Variants in DAP observed in about 807,000 individuals in gnomAD.
DAP encodes the protein death associated protein, also known as death-associated protein 1.
A neutral mutation model predicts 13.8 loss-of-function variants in DAP; 8 were observed. That is an observed-to-expected ratio of 0.58 (90% CI 0.34 to 1.05). The LOEUF is 1.05. Among genes scored for constraint, DAP ranks in the 50% least tolerant of loss-of-function variants. The pLI, the probability that DAP is intolerant of heterozygous loss-of-function variation, is 0.03. For missense variants in DAP, 106 were observed against 133.2 expected (o/e 0.80, Z 1.01); for synonymous variants, 47 against 47.5 (o/e 0.99, Z 0.04).
At chr5:10,752,067 T>C (rs1005094293) in intron 1 of DAP, among the ~76,000 whole-genome samples, 1 of 152,226 alleles carries the variant, frequency 6.6e-6, no homozygotes, top group African/African-American at 2.4e-5. Context: ...TGCAACTAAC[T>C]ATAAAGAAAA....
chr5:10,686,321 G>C (rs1350204383), intron 2 of DAP, among the ~76,000 whole-genome samples: 1 of 152,214 alleles, frequency 6.6e-6, no homozygotes, highest in African/African-American at 2.4e-5. Context: ...AAGTATTCAA[G>C]TGAAAGGAAG....
At chr5:10,687,700 A>G (rs1326524625) in intron 2 of DAP, among the ~76,000 whole-genome samples, 1 of 152,190 alleles carries the variant, frequency 6.6e-6, no homozygotes, top group East Asian at 1.9e-4. Flanking sequence ...TGCTGTAAAC[A>G]CTGAAAATAA....
At chr5:10,686,077 G>C (rs1579782991) in intron 2 of DAP, among the ~76,000 whole-genome samples, 1 of 152,320 alleles carries the variant, frequency 6.6e-6, no homozygotes, top group Non-Finnish European at 1.5e-5. Flanking sequence ...GTCTGTTACA[G>C]TGATCTGTGG....
At chr5:10,738,640 T>C (rs779095147) in intron 2 of DAP, among the ~76,000 whole-genome samples, 4 of 152,234 alleles carry the variant, frequency 2.6e-5, no homozygotes, top group Admixed American at 6.5e-5. Context: ...ATAACTGTTC[T>C]AGATTAAAGG....
chr5:10,689,035 G>A (rs532693394), intron 2 of DAP, among the ~76,000 whole-genome samples: 4 of 152,158 alleles, frequency 2.6e-5, no homozygotes, highest in Admixed American at 6.5e-5. Flanking sequence ...CCCTGCCCTC[G>A]GTGCTCCTCA....
At chr5:10,686,739 CAAGG>C (rs1738165708) in intron 2 of DAP, among the ~76,000 whole-genome samples, 1 of 152,204 alleles carries the variant, frequency 6.6e-6, no homozygotes, top group Non-Finnish European at 1.5e-5. Flanking sequence ...GATAAAAGTG[CAAGG>C]TGAAGCAGCA....
intron 2 of DAP, among the ~76,000 whole-genome samples, chr5:10,722,565 T>C (rs934331645): frequency 1.4e-5 from 2 of 146,844 alleles, no homozygotes; most frequent in African/African-American, 2.5e-5. Context: ...CATGCATATA[T>C]ATACATACAT....
chr5:10,690,116 T>C (rs929312164), intron 2 of DAP, among the ~76,000 whole-genome samples: 3 of 151,238 alleles, frequency 2.0e-5, no homozygotes, highest in Non-Finnish European at 4.4e-5. Flanking sequence ...GACTGCACTT[T>C]TTACACAATA....
chr5:10,757,136 C>T (rs558371546), intron 1 of DAP, among the ~76,000 whole-genome samples: 1 of 152,356 alleles, frequency 6.6e-6, no homozygotes, highest in Admixed American at 6.5e-5. Flanking sequence ...ATTCGTCTCC[C>T]ACCTTGGGAG....
chr5:10,719,410 T>C (rs1478277125), intron 2 of DAP, among the ~76,000 whole-genome samples: 4 of 152,194 alleles, frequency 2.6e-5, no homozygotes, highest in Admixed American at 6.5e-5. Context: ...GGGGTGCTGT[T>C]TGGAGCCTAC....
chr5:10,680,504 G>A lies in DAP; in HGVS notation c.*552C>T. 1.8e-6 allele frequency: 1 copy of A among 559,796 alleles called. No individual in the cohort carries two copies. The highest frequency in any genetic ancestry group is 3.1e-6 in the Non-Finnish European group (1 of 319,000). 34.7% of individuals were successfully genotyped at this position (559,796 alleles called of 1,614,324 possible). ...TGCTTTTTCGGCTTTTCTCATGGGT[G>A]CCTCATCAGCCTGCACAGGATCCCC... is the stretch of plus-strand genomic sequence containing the variant. On this transcript the variant is annotated 3_prime_UTR_variant, in exon 4 of 4. Coordinates refer to ENST00000230895, the MANE Select transcript of DAP (RefSeq NM_004394.3).
chr5:10,712,396 G>C (rs556102653), intron 2 of DAP, among the ~76,000 whole-genome samples: 2 of 152,206 alleles, frequency 1.3e-5, no homozygotes, highest in Non-Finnish European at 2.9e-5. Context: ...CTGTGGGCTG[G>C]GGTCATAAGG....
intron 2 of DAP, among the ~76,000 whole-genome samples, chr5:10,704,584 T>C (rs1050719454): frequency 6.6e-6 from 1 of 152,208 alleles, no homozygotes; most frequent in African/African-American, 2.4e-5. Context: ...TATACACTTA[T>C]CTGTATAGAG....
chr5:10,739,787 T>TCACACA (rs35309839), intron 2 of DAP, among the ~76,000 whole-genome samples: 1,929 of 148,590 alleles, frequency 0.013, 32 homozygotes, highest in African/African-American at 0.029. Context: ...CTAAATTAAC[T>TCACACA]CACACACACA....
intron 2 of DAP, among the ~76,000 whole-genome samples, chr5:10,702,348 T>C (rs928524428): frequency 1.3e-5 from 2 of 152,136 alleles, no homozygotes; most frequent in South Asian, 2.1e-4. Context: ...GTAACTCTCA[T>C]GCCCTGCCCG....
chr5:10,716,058 G>C (rs1738979174), intron 2 of DAP, among the ~76,000 whole-genome samples: 1 of 152,164 alleles, frequency 6.6e-6, no homozygotes, highest in Non-Finnish European at 1.5e-5. Context: ...TATTGGCATT[G>C]CTCCCTTTAG....
At chr5:10,692,090 A>ATCT (rs1738323071) in intron 2 of DAP, among the ~76,000 whole-genome samples, 1 of 152,216 alleles carries the variant, frequency 6.6e-6, no homozygotes, top group South Asian at 2.1e-4. Context: ...TGATGGTCTC[A>ATCT]TCTTTAAAGG....
rs763820923 is a variant in DAP at position 10,748,211 on chromosome 5, T to C, written c.116A>G (p.Glu39Gly). Residue 39 changes from glutamate (E) to glycine (G), a missense_variant, in exon 2 of 4, where the codon GAG becomes GGG. Transcript: ENST00000230895. Reference sequence around the variant, plus strand: ...CCATTCCTGGTCATCCTTGTCTTTCTCTTCTTTGGTGTCTCCTGTATGTGG... The same window carrying C: ...CCATTCCTGGTCATCCTTGTCTTTCCCTTCTTTGGTGTCTCCTGTATGTGG... ...KHPHTGDTKE[E>G]KDKDDQEWES... 2.5e-6 allele frequency: 4 copies of C among 1,614,164 alleles called. No individual in the cohort carries two copies. Among genetic ancestry groups the C allele is most frequent in the Non-Finnish European group, 3.4e-6 (4 of 1,179,970 alleles).
intron 2 of DAP, among the ~76,000 whole-genome samples, chr5:10,698,656 GTTTA>G (rs1385544684): frequency 2.6e-5 from 4 of 152,260 alleles, no homozygotes; most frequent in South Asian, 2.1e-4. Context: ...GTTTATTGTG[GTTTA>G]TTTATTAGTT....
Sources: allele counts gnomAD v4.1 joint callset (sites outside exome capture counted in the v4.1 genomes callset), GRCh38; gene constraint gnomAD v4.1.1; transcripts MANE v1.5; gene names NCBI Gene and HGNC (gene_info 2026-07-23, HGNC 2026-07-21).